The following KDM3B variants were observed in gnomAD, a reference collection of about 807,000 sequenced individuals.
KDM3B encodes the protein lysine demethylase 3B, also known as lysine-specific demethylase 3B.
Under a neutral mutation model 170.0 loss-of-function variants are expected in KDM3B, and 10 were observed. That is an observed-to-expected ratio of 0.06 (90% CI 0.04 to 0.10). The LOEUF is 0.10. KDM3B is among the 10% of genes least tolerant of loss of function. KDM3B has a pLI of 1.00. For missense variants in KDM3B, 1,394 were observed against 2,195.2 expected (o/e 0.64, Z 7.29); for synonymous variants, 831 against 834.8 (o/e 1.00, Z 0.08).
intron 1 of KDM3B, among the ~76,000 whole-genome samples, chr5:138,356,232 G>C (rs1360326810): frequency 2.6e-5 from 4 of 152,154 alleles, no homozygotes; most frequent in African/African-American, 7.2e-5. Context: ...TATTTCTGTA[G>C]TTTAGCAATC....
chr5:138,398,402 C>T lies in KDM3B; in HGVS notation c.3046+10C>T. On this transcript the variant is annotated intron_variant, in intron 10 of 23. Coordinates refer to ENST00000314358, the MANE Select transcript of KDM3B (RefSeq NM_016604.4). Reference sequence around the variant, plus strand: ...ATGGTGGAGCCACACCGTAAGTCACCTTCTCACTTGTCTTCCAGGTGCTCC... The same window carrying T: ...ATGGTGGAGCCACACCGTAAGTCACTTTCTCACTTGTCTTCCAGGTGCTCC... 1 of 1,611,600 alleles carries T rather than the reference C, an allele frequency of 6.2e-7. No homozygotes were observed. The highest frequency in any genetic ancestry group is 8.5e-7 in the Non-Finnish European group (1 of 1,178,462).
intron 6 of KDM3B, among the ~76,000 whole-genome samples, chr5:138,383,955 AAAAAG>A: frequency 6.6e-6 from 1 of 151,704 alleles, no homozygotes; most frequent in East Asian, 1.9e-4. Context: ...CGTCTCAAAA[AAAAAG>A]AAGAAAAAAA....
intron 6 of KDM3B, among the ~76,000 whole-genome samples, chr5:138,382,691 A>C (rs1170206013): frequency 1.1e-4 from 17 of 151,924 alleles, no homozygotes; most frequent in Admixed American, 1.1e-3. Flanking sequence ...TTTTTGAGGC[A>C]GGGTCTCGCT....
chr5:138,417,346 A>C (rs1763131280), intron 12 of KDM3B, 137 bp from the exon 13 acceptor site: 3 of 858,462 alleles, frequency 3.5e-6, no homozygotes, highest in Non-Finnish European at 3.5e-6. Flanking sequence ...TTTGATCATC[A>C]AAAATTGAAG....
Position 138,357,657 on chromosome 5 carries a change from G to A in KDM3B, c.192+4670G>A, listed in dbSNP as rs564713090. Among the ~76,000 whole-genome samples the A allele has an allele frequency of 2.9e-4, 44 of 152,254 alleles. No homozygotes were observed. The South Asian group carries it at 8.7e-3, about 30-fold the overall frequency. On this transcript the variant is annotated intron_variant, in intron 1 of 23. Coordinates refer to ENST00000314358, the MANE Select transcript of KDM3B (RefSeq NM_016604.4). ...TTACAGGCGTGAGCCACCATGCCCAGCCAACATTTTTGTTTATTTTTACCT... is the reference window on the plus strand; with the variant it reads ...TTACAGGCGTGAGCCACCATGCCCAACCAACATTTTTGTTTATTTTTACCT...
chr5:138,384,335 C>G (rs1371030775), intron 6 of KDM3B, among the ~76,000 whole-genome samples: 3 of 151,500 alleles, frequency 2.0e-5, no homozygotes, highest in African/African-American at 7.3e-5. Flanking sequence ...CGTGGTGGCT[C>G]ATACCTGTAA....
intron 7 of KDM3B, among the ~76,000 whole-genome samples, chr5:138,390,773 T>C (rs901185079): frequency 7.2e-5 from 11 of 152,160 alleles, no homozygotes; most frequent in African/African-American, 2.4e-4. Flanking sequence ...AATTGCAGGA[T>C]GAATGACATC....
Position 138,430,452 on chromosome 5 carries a change from G to A in KDM3B, c.5070+27G>A, listed in dbSNP as rs192094460. 1.7e-4 allele frequency: 267 copies of A among 1,602,984 alleles called. 3 individuals are homozygous for A. In the East Asian group the frequency reaches 5.4e-3, roughly 33 times the overall value. On this transcript the variant is annotated intron_variant, in intron 22 of 23. Transcript: ENST00000314358. The stretch of plus-strand genomic sequence containing the variant: ...TGGGTTCCTGCTTGGGGGTTGGGCT[G>A]AACAGTTCCATGGGCTTTCTTATTT...
chr5:138,397,954 C>A, intron 9 of KDM3B: 2 of 402,064 alleles, frequency 5.0e-6, no homozygotes, highest in Non-Finnish European at 8.9e-6. Context: ...AATGGAAAAA[C>A]TAAGAGGAAC....
At chr5:138,364,803 A>G (rs1327369123) in intron 1 of KDM3B, among the ~76,000 whole-genome samples, 2 of 152,230 alleles carry the variant, frequency 1.3e-5, no homozygotes, top group Non-Finnish European at 2.9e-5. Flanking sequence ...CAGTTAAGAA[A>G]TGGGAGAGGT....
At chr5:138,423,445 T>C (rs1248319738) in intron 15 of KDM3B, among the ~76,000 whole-genome samples, 2 of 152,210 alleles carry the variant, frequency 1.3e-5, no homozygotes, top group Non-Finnish European at 2.9e-5. Flanking sequence ...CCTTCAGTTC[T>C]GTGACCTTAG....
chr5:138,400,587 TAAAATA>T (rs1762658303), intron 11 of KDM3B, among the ~76,000 whole-genome samples: 1 of 151,866 alleles, frequency 6.6e-6, no homozygotes, highest in African/African-American at 2.4e-5. Flanking sequence ...CTCTACAAAA[TAAAATA>T]AAATTAGCTA....
intron 7 of KDM3B, among the ~76,000 whole-genome samples, chr5:138,390,011 C>T (rs1247421778): frequency 1.3e-5 from 2 of 152,028 alleles, no homozygotes; most frequent in African/African-American, 4.8e-5. Context: ...AGGCACGTGC[C>T]ACCATGCCCG....
Position 138,391,024 on chromosome 5 carries a change from T to C in KDM3B, c.1392T>C (p.Asn464=). ...TATCTTCCTTTCAGAATTCAAGAAATTCTATTCTGGCCTCTTCTGGATTTG... is the reference window on the plus strand; with the variant it reads ...TATCTTCCTTTCAGAATTCAAGAAACTCTATTCTGGCCTCTTCTGGATTTG... ...RSQASGENSR[N]SILASSGFGA... Residue 464 remains asparagine (N), a synonymous_variant, in exon 8 of 24, where the codon AAT becomes AAC. Transcript: ENST00000314358. This position sits in a 1 kb window ranked among gnomAD's most constrained non-coding sequence, Gnocchi z 5.0. The C allele has an allele frequency of 6.4e-7, 1 of 1,554,616 alleles. No homozygotes were observed. The highest frequency in any genetic ancestry group is 8.7e-7 in the Non-Finnish European group (1 of 1,151,382).
chr5:138,427,922 C>A lies in KDM3B; in HGVS notation c.4634-45C>A, dbSNP rs374645907. 5 of 1,588,678 alleles carry A rather than the reference C, an allele frequency of 3.1e-6. No homozygotes were observed. The African/African-American group carries it at 5.4e-5, about 17-fold the overall frequency. ...AGATGTAGTGTCGACGTGGATTCTT[C>A]CAAATATTGGCCCTTCACCTTGCAT... On this transcript the variant is annotated intron_variant, in intron 19 of 23. Coordinates refer to ENST00000314358, the MANE Select transcript of KDM3B (RefSeq NM_016604.4).
At chr5:138,425,875 G>A (rs1763379040) in intron 17 of KDM3B, 1 of 219,250 alleles carries the variant, frequency 4.6e-6, no homozygotes, top group Non-Finnish European at 9.3e-6. Context: ...GTATGGTGGT[G>A]TGTGCCTATA....
intron 5 of KDM3B, 66 bp from the exon 6 acceptor site, chr5:138,381,450 T>G (rs1580895790): frequency 9.9e-7 from 1 of 1,009,308 alleles, no homozygotes; most frequent in Non-Finnish European, 1.6e-6. Context: ...TTACATTGAT[T>G]AGGAAATTAT....
intron 19 of KDM3B, among the ~76,000 whole-genome samples, chr5:138,427,705 C>T (rs555597106): frequency 5.3e-5 from 8 of 152,296 alleles, no homozygotes; most frequent in East Asian, 1.9e-4. Context: ...TATCTGAATA[C>T]GCCCTAATGC....
intron 16 of KDM3B, among the ~76,000 whole-genome samples, chr5:138,425,096 T>C (rs1040146070): frequency 1.3e-5 from 2 of 152,248 alleles, no homozygotes; most frequent in Non-Finnish European, 1.5e-5. Context: ...CATGGCATTG[T>C]CATTTTCAAT....
Sources: gnomAD v4.1 joint callset for allele counts (sites outside exome capture counted in the v4.1 genomes callset) on GRCh38, gnomAD v4.1.1 for gene constraint, Gnocchi (gnomAD v3.1) non-coding constraint, MANE v1.5 for transcripts, NCBI Gene and HGNC (gene_info 2026-07-23, HGNC 2026-07-21) for gene names.